The following NFIB variants were observed in gnomAD, a reference collection of about 807,000 sequenced individuals.
The protein encoded by NFIB is nuclear factor 1 B-type.
Under a neutral mutation model 61.5 loss-of-function variants are expected in NFIB, and 11 were observed. The ratio of observed to expected loss-of-function variants is 0.18; its 90% CI spans 0.11 to 0.30. The LOEUF is 0.30. Ranked by LOEUF, NFIB falls within the 10% of genes least tolerant of loss-of-function variation. The pLI is 1.00. For missense variants in NFIB, 471 were observed against 608.9 expected, an observed-to-expected ratio of 0.77 and a Z score of 2.38; for synonymous variants, 260 against 216.5, an observed-to-expected ratio of 1.20 and a Z score of -1.76.
At chr9:14,350,327 C>A (rs1489357678) in intron 1 of NFIB, among the ~76,000 whole-genome samples, 2 of 152,124 alleles carry the variant, frequency 1.3e-5, no homozygotes, top group African/African-American at 4.8e-5. Context: ...AAACGAAGGG[C>A]GTTTCTCTAA....
At chr9:14,466,781 G>T in the NFIB span, among the ~76,000 whole-genome samples, 3 of 152,198 alleles carry the variant, frequency 2.0e-5, no homozygotes, top group East Asian at 1.9e-4. Context: ...GGTTTATGGT[G>T]GGGGAGCTGG....
chr9:14,284,028 G>T (rs2058552605), intron 2 of NFIB, among the ~76,000 whole-genome samples: 3 of 152,180 alleles, frequency 2.0e-5, no homozygotes, highest in African/African-American at 7.2e-5. Context: ...TACTGGAGAA[G>T]TAGTGGGAGT....
intron 7 of NFIB, among the ~76,000 whole-genome samples, chr9:14,121,229 G>A (rs1167366848): frequency 6.6e-6 from 1 of 152,136 alleles, no homozygotes; most frequent in East Asian, 1.9e-4. Flanking sequence ...GCGCCATTGC[G>A]CTCCAACCTG....
intron 7 of NFIB, among the ~76,000 whole-genome samples, chr9:14,121,791 T>C (rs745345898): frequency 1.3e-5 from 2 of 152,286 alleles, no homozygotes; most frequent in East Asian, 1.9e-4. Flanking sequence ...GGAAATACTA[T>C]ATAAAACACA....
At chr9:14,315,759 C>T (rs1233426126), upstream of NFIB, among the ~76,000 whole-genome samples, 2 of 151,938 alleles carry the variant, frequency 1.3e-5, no homozygotes, top group South Asian at 2.1e-4. Flanking sequence ...ACACACACCG[C>T]CCCCCAAATC....
At chr9:14,127,816 G>A (rs2130908331) in intron 6 of NFIB, among the ~76,000 whole-genome samples, 1 of 151,734 alleles carries the variant, frequency 6.6e-6, no homozygotes, top group African/African-American at 2.4e-5. Context: ...AGACATCACA[G>A]TCTACAAAAA....
At chr9:14,416,134 T>G in the NFIB span, among the ~76,000 whole-genome samples, 1 of 152,180 alleles carries the variant, frequency 6.6e-6, no homozygotes, top group African/African-American at 2.4e-5. Context: ...AACAAAGCTA[T>G]GAAGTACAGT....
At chr9:14,385,542 C>A (rs1346268916) in intron 1 of NFIB, among the ~76,000 whole-genome samples, 1 of 152,042 alleles carries the variant, frequency 6.6e-6, no homozygotes, top group Non-Finnish European at 1.5e-5. Flanking sequence ...TGAAATGTCG[C>A]ATATGTTAAT....
intron 2 of NFIB, among the ~76,000 whole-genome samples, chr9:14,233,620 G>A (rs571266982): frequency 6.6e-5 from 10 of 152,072 alleles, no homozygotes; most frequent in Middle Eastern, 3.4e-3. Flanking sequence ...AGTAGAGACC[G>A]GGTTTTGCCA....
Position 14,322,160 on chromosome 9 carries a change from C to T in NFIB, c.109-14640G>A, listed in dbSNP as rs1340536335. 2.5e-6 allele frequency: 3 copies of T among 1,203,790 alleles called. No individual in the cohort carries two copies. The East Asian group carries it at 9.6e-5, about 39-fold the overall frequency. 74.6% of individuals were successfully genotyped at this position (1,203,790 alleles called of 1,614,324 possible). A position where few individuals can be genotyped will look rare whatever the true frequency, so the allele number is the denominator to read the frequency against. ...TTGTAATTTCTGCACTGCCACAGTT[C>T]TTGGCCCGAGAAGAAAAGGCGGTCA... On this transcript the variant is annotated intron_variant, in intron 1 of 8. Transcript: ENST00000380934.
At chr9:14,291,536 C>T (rs1004729635) in intron 2 of NFIB, among the ~76,000 whole-genome samples, 2 of 151,972 alleles carry the variant, frequency 1.3e-5, no homozygotes, top group Non-Finnish European at 2.9e-5. Context: ...AAATTAAATT[C>T]CCCTTGTAAA....
At chr9:14,322,006 T>C in intron 1 of NFIB, 1 of 1,230,092 alleles carries the variant, frequency 8.1e-7, no homozygotes, top group Non-Finnish European at 1.0e-6. Flanking sequence ...GGCCGCTGAC[T>C]TGACGTGTCT....
chr9:14,303,108 C>T (rs2059837183), intron 2 of NFIB, among the ~76,000 whole-genome samples: 1 of 152,112 alleles, frequency 6.6e-6, no homozygotes, highest in Non-Finnish European at 1.5e-5. Flanking sequence ...TCTTTTTAAA[C>T]ATGTATTCTG....
At chr9:14,500,007 G>A in the NFIB span, among the ~76,000 whole-genome samples, 2 of 152,064 alleles carry the variant, frequency 1.3e-5, no homozygotes, top group South Asian at 2.1e-4. Flanking sequence ...TATAGTACCC[G>A]TCGGAGAGCG....
chr9:14,161,391 G>A (rs189838974), intron 3 of NFIB, among the ~76,000 whole-genome samples: 20 of 152,076 alleles, frequency 1.3e-4, no homozygotes, highest in Non-Finnish European at 1.9e-4. Context: ...GTAAACCCAC[G>A]AGGATGATTT....
intron 1 of NFIB, among the ~76,000 whole-genome samples, chr9:14,354,886 G>A (rs945924540): frequency 1.3e-5 from 2 of 151,950 alleles, no homozygotes; most frequent in African/African-American, 4.8e-5. Flanking sequence ...AAGGGAGTGT[G>A]TAGCCCTTGT....
rs368358162 is a variant in NFIB, at chr9:14,361,332, T to G, written c.108+37192A>C. 21 of 152,166 alleles carry G rather than the reference T, an allele frequency of 1.4e-4. No homozygotes were observed. The South Asian group carries it at 4.4e-3, about 32-fold the overall frequency. 9.4% of individuals were successfully genotyped at this position (152,166 alleles called of 1,614,324 possible). Reference sequence around the variant, plus strand: ...AAAGAGCCCATTACTAATGCTGATGTCACTGGCATCAGTAAACTAACACCC... The same window carrying G: ...AAAGAGCCCATTACTAATGCTGATGGCACTGGCATCAGTAAACTAACACCC... On this transcript the variant is annotated intron_variant, in intron 1 of 8. Transcript: ENST00000380934.
intron 1 of NFIB, among the ~76,000 whole-genome samples, chr9:14,360,931 A>T (rs965162643): frequency 1.3e-4 from 20 of 152,166 alleles, no homozygotes; most frequent in Admixed American, 9.2e-4. Context: ...TTAGTGTGGA[A>T]GAGCACTTTT....
the NFIB span, among the ~76,000 whole-genome samples, chr9:14,445,694 T>G: frequency 6.6e-6 from 1 of 152,226 alleles, no homozygotes; most frequent in Admixed American, 6.5e-5. Context: ...CATTATGTTC[T>G]ATTCTTTTGG....
Sources: allele counts gnomAD v4.1 joint callset (sites outside exome capture counted in the v4.1 genomes callset), GRCh38; gene constraint gnomAD v4.1.1; transcripts MANE v1.5; gene names NCBI Gene and HGNC (gene_info 2026-07-23, HGNC 2026-07-21).